Variants in CREB3L2 observed in about 807,000 individuals in gnomAD.
CREB3L2 encodes cyclic AMP-responsive element-binding protein 3-like protein 2.
Under a neutral mutation model 57.2 loss-of-function variants are expected in CREB3L2, and 23 were observed. The ratio of observed to expected loss-of-function variants is 0.40; its 90% confidence interval spans 0.29 to 0.57. The LOEUF (loss-of-function observed/expected upper bound fraction) is 0.57, where lower values mean the gene tolerates loss of function less well. CREB3L2 is among the 20% of genes least tolerant of loss of function. CREB3L2 has a pLI of 0.42. For synonymous variants in CREB3L2, 268 were observed against 265.1 expected (o/e 1.01, Z -0.11); for missense variants, 628 against 634.7 (o/e 0.99, Z 0.11).
chr7:137,899,426 T>C (rs1033796163), intron 8 of CREB3L2, among the ~76,000 whole-genome samples: 6 of 152,330 alleles, frequency 3.9e-5, no homozygotes, highest in African/African-American at 7.2e-5. Flanking sequence ...CCCATGAACA[T>C]GGGGCTGCTG....
intron 1 of CREB3L2, among the ~76,000 whole-genome samples, chr7:137,933,300 C>T (rs927004803): frequency 1.3e-5 from 2 of 152,194 alleles, no homozygotes; most frequent in African/African-American, 4.8e-5. Context: ...AGGTCAAGTC[C>T]CGATCTGCTG....
chr7:137,965,142 A>C (rs1352811487), intron 1 of CREB3L2, among the ~76,000 whole-genome samples: 1 of 152,198 alleles, frequency 6.6e-6, no homozygotes, highest in Non-Finnish European at 1.5e-5. Context: ...AACTGCCCAT[A>C]AGGTAACATT....
At chr7:137,885,588 G>C in intron 8 of CREB3L2, 86 bp from the exon 9 acceptor site, 1 of 981,654 alleles carries the variant, frequency 1.0e-6, no homozygotes, top group Admixed American at 2.0e-5. Flanking sequence ...GAAGGCCGCC[G>C]TGCCTTTGTG....
In CREB3L2 at chr7:137,885,434, A is replaced by G; in HGVS notation, c.1112T>C (p.Leu371Ser). ...VMGKVSRTCK[L>S]AGTQTGTCLM... ...GCAGGTGCCAGTCTGCGTGCCAGCT[A>G]ACTTGCAGGTTCGAGAAACCTTGCC... is the stretch of plus-strand genomic sequence containing the variant. Residue 371 changes from leucine to serine, a missense_variant, in exon 9 of 12, where the codon TTA becomes TCA. This residue lies in a region of CREB3L2 where 272 missense variants were observed against 242.7 expected (regional missense o/e 1.12). Transcript: ENST00000330387. The G allele has an allele frequency of 6.2e-7, 1 of 1,614,160 alleles. No homozygotes were observed. Among genetic ancestry groups the G allele is most frequent in the Non-Finnish European group, 8.5e-7 (1 of 1,180,002 alleles).
chr7:137,880,554 G>A lies in CREB3L2; in HGVS notation c.1488-3C>T, dbSNP rs768524282. On this transcript the variant is annotated splice_polypyrimidine_tract_variant and splice_region_variant and intron_variant, in intron 11 of 11. Transcript: ENST00000330387. The surrounding 1 kb of genome is among the most constrained non-coding windows in gnomAD (Gnocchi z 4.0). Reference sequence around the variant, plus strand: ...TCCCCTCCAGTTTGGCGCTGACCCTGTGAAGGCATTAAAAGGAAAACGAAG... The same window carrying A: ...TCCCCTCCAGTTTGGCGCTGACCCTATGAAGGCATTAAAAGGAAAACGAAG... 1.9e-6 allele frequency: 3 copies of A among 1,611,854 alleles called. No homozygotes were observed. The Admixed American group carries it at 5.0e-5, about 27-fold the overall frequency.
intron 1 of CREB3L2, among the ~76,000 whole-genome samples, chr7:137,939,951 C>T (rs273989): frequency 0.44 from 66,341 of 152,024 alleles, 15,507 homozygotes; most frequent in East Asian, 0.78. Context: ...GTCCAAATTC[C>T]CCACAGTGAG....
chr7:137,890,130 A>G (rs1799503845), intron 8 of CREB3L2, among the ~76,000 whole-genome samples: 1 of 152,230 alleles, frequency 6.6e-6, no homozygotes, highest in African/African-American at 2.4e-5. Context: ...CTATTAAAAG[A>G]GACTAAGCCA....
intron 1 of CREB3L2, among the ~76,000 whole-genome samples, chr7:137,972,703 A>AACAACAAC (rs1554503511): frequency 2.0e-4 from 10 of 49,890 alleles, no homozygotes; most frequent in African/African-American, 6.9e-4. Context: ...AAAAAAAAAA[A>AACAACAAC]AAAAAAAAAA....
intron 1 of CREB3L2, among the ~76,000 whole-genome samples, chr7:137,992,420 ACATGC>A (rs1801915723): frequency 6.6e-6 from 1 of 152,180 alleles, no homozygotes; most frequent in Non-Finnish European, 1.5e-5. Context: ...GAGTCACTCA[ACATGC>A]CCTGAGATAA....
At chr7:137,883,806 A>C (rs57721859) in intron 10 of CREB3L2, among the ~76,000 whole-genome samples, 1 of 152,096 alleles carries the variant, frequency 6.6e-6, no homozygotes, top group Non-Finnish European at 1.5e-5. Context: ...AGCTTAGAAT[A>C]CAAAACCTCA....
chr7:137,914,015 C>T (rs35614905), intron 3 of CREB3L2, among the ~76,000 whole-genome samples: 8,779 of 152,044 alleles, frequency 0.058, 556 homozygotes, highest in African/African-American at 0.15. Flanking sequence ...CCACAATGCA[C>T]TTAAATCGAG....
chr7:137,974,930 A>G (rs548616149), intron 1 of CREB3L2, among the ~76,000 whole-genome samples: 2 of 152,336 alleles, frequency 1.3e-5, no homozygotes, highest in East Asian at 3.9e-4. Flanking sequence ...AGACAGATCC[A>G]GGCTAAAGAT....
At chr7:137,955,229 G>C in intron 1 of CREB3L2, 5 of 1,254,444 alleles carry the variant, frequency 4.0e-6, no homozygotes, top group Non-Finnish European at 5.2e-6. Flanking sequence ...AATGAGTACA[G>C]TAAGAATCCA....
chr7:137,923,943 A>T (rs1366808455), intron 2 of CREB3L2, among the ~76,000 whole-genome samples: 1 of 152,054 alleles, frequency 6.6e-6, no homozygotes, highest in African/African-American at 2.4e-5. Flanking sequence ...CAGAGATAAA[A>T]CCCTAGTCCT....
Position 138,001,064 on chromosome 7 carries a change from A to T in CREB3L2, c.102+540T>A, listed in dbSNP as rs1802064508. ...GCAAATAAAGCCGCCTTTCTCCCTA[A>T]CGTAGAGGAGCCCTTTCAACACACA... On this transcript the variant is annotated intron_variant, in intron 1 of 11. Transcript: ENST00000330387. The surrounding 1 kb of genome is among the most constrained non-coding windows in gnomAD (Gnocchi z 4.2). Among the ~76,000 whole-genome samples, 1 of 146,844 alleles carries T rather than the reference A, an allele frequency of 6.8e-6. No homozygotes were observed. The highest frequency in any genetic ancestry group is 2.5e-5 in the African/African-American group (1 of 40,056).
chr7:137,905,713 T>C lies in CREB3L2; in HGVS notation c.904A>G (p.Ile302Val). The C allele has an allele frequency of 6.2e-7, 1 of 1,614,174 alleles. No homozygotes were observed. The highest frequency in any genetic ancestry group is 8.5e-7 in the Non-Finnish European group (1 of 1,180,020). Residue 302 changes from isoleucine to valine, a missense_variant, in exon 6 of 12, where the codon ATC (isoleucine) becomes GTC (valine). Transcript: ENST00000330387. ...EKALKKIRRKIKNKISAQESR... is the reference protein window; with the variant it reads ...EKALKKIRRKVKNKISAQESR... ...TTTGAAGAGCTCACCTTATTCTTGA[T>C]CTTCCTCCGAATTTTCTTCAGGGCC...
intron 1 of CREB3L2, among the ~76,000 whole-genome samples, chr7:137,968,208 C>CTT (rs1045970771): frequency 2.1e-5 from 3 of 144,084 alleles, no homozygotes; most frequent in Non-Finnish European, 3.1e-5. Context: ...GCTAGCTACT[C>CTT]TTTTTTTTTT....
At chr7:137,951,401 C>T (rs1298149052) in intron 1 of CREB3L2, among the ~76,000 whole-genome samples, 1 of 152,130 alleles carries the variant, frequency 6.6e-6, no homozygotes, top group Non-Finnish European at 1.5e-5. Context: ...AACAGAAGCA[C>T]ACATAAAACA....
At chr7:137,883,846 C>T (rs1362818861) in intron 10 of CREB3L2, among the ~76,000 whole-genome samples, 1 of 152,190 alleles carries the variant, frequency 6.6e-6, no homozygotes, top group Non-Finnish European at 1.5e-5. Flanking sequence ...ACTGCCTAAC[C>T]CCATGCTCAT....
Sources: allele counts gnomAD v4.1 joint callset (sites outside exome capture counted in the v4.1 genomes callset), GRCh38; gene constraint gnomAD v4.1.1; regional missense constraint gnomAD v4.1.1; non-coding constraint Gnocchi (gnomAD v3.1); transcripts MANE v1.5; gene names NCBI Gene and HGNC (gene_info 2026-07-23, HGNC 2026-07-21).